The following ASAP3 variants were observed in gnomAD, a reference collection of about 807,000 sequenced individuals.
The protein encoded by ASAP3 is ArfGAP with SH3 domain, ankyrin repeat and PH domain 3, also known as arf-GAP with SH3 domain, ANK repeat and PH domain-containing protein 3.
A neutral mutation model predicts 118.2 loss-of-function variants in ASAP3; 85 were observed. The ratio of observed to expected loss-of-function variants is 0.72; its 90% confidence interval spans 0.60 to 0.86. The LOEUF (loss-of-function observed/expected upper bound fraction) is 0.86. ASAP3 is among the 40% of genes least tolerant of loss of function. ASAP3 has a pLI of 0.00. For missense variants in ASAP3, 1,026 were observed against 1,175.0 expected (o/e 0.87, Z 1.85); for synonymous variants, 432 against 477.4 (o/e 0.90, Z 1.24).
At chr1:23,452,156 T>C (rs535205297) in intron 4 of ASAP3, among the ~76,000 whole-genome samples, 8 of 152,162 alleles carry the variant, frequency 5.3e-5, no homozygotes, top group African/African-American at 1.9e-4. Flanking sequence ...GTTAGCAGGC[T>C]GGTGCCACGC....
chr1:23,456,060 T>A (rs1641373524), intron 2 of ASAP3, 34 bp from the exon 3 acceptor site: 1 of 1,613,912 alleles, frequency 6.2e-7, no homozygotes, highest in East Asian at 2.2e-5. Flanking sequence ...TGGAGTTAGC[T>A]CCAGGCTGGG....
intron 17 of ASAP3, among the ~76,000 whole-genome samples, chr1:23,435,199 AGTT>A (rs1640594191): frequency 6.6e-6 from 1 of 151,894 alleles, no homozygotes; most frequent in Admixed American, 6.6e-5. Flanking sequence ...AGCTAATTTT[AGTT>A]GTTGTTGTAG....
At chr1:23,432,916 C>G (rs1032983323) in intron 22 of ASAP3, among the ~76,000 whole-genome samples, 161 bp downstream of exon 22, 1 of 152,192 alleles carries the variant, frequency 6.6e-6, no homozygotes, top group African/African-American at 2.4e-5. Flanking sequence ...TGTGACTTAA[C>G]ACCTCTGTTC....
Position 23,445,367 on chromosome 1 carries a change from T to C in ASAP3, c.474-2755A>G, listed in dbSNP as rs112543541. ...TGATCCAGGCATGGTGGTGTGTGCC[T>C]ATAGTCCCAGCTACTCAAAAGGTTG... On this transcript the variant is annotated intron_variant, in intron 5 of 24. Coordinates refer to ENST00000336689, the MANE Select transcript of ASAP3 (RefSeq NM_017707.4). Among the ~76,000 whole-genome samples, 578 of 152,180 alleles carry C rather than the reference T, an allele frequency of 3.8e-3. 4 individuals carry two copies. The highest frequency in any genetic ancestry group is 0.013 in the African/African-American group (550 of 41,516).
At chr1:23,463,665 A>C (rs1641667818) in intron 1 of ASAP3, among the ~76,000 whole-genome samples, 1 of 152,164 alleles carries the variant, frequency 6.6e-6, no homozygotes, top group African/African-American at 2.4e-5. Flanking sequence ...GCAATGGCAC[A>C]ATCTCGGCTC....
intron 17 of ASAP3, 118 bp downstream of exon 17, chr1:23,435,733 G>T: frequency 8.5e-7 from 1 of 1,178,276 alleles, no homozygotes; most frequent in Non-Finnish European, 1.3e-6. Context: ...CACTCTGATG[G>T]GTGAGATCTG....
At chr1:23,460,470 G>A (rs1348706959) in intron 1 of ASAP3, among the ~76,000 whole-genome samples, 4 of 137,216 alleles carry the variant, frequency 2.9e-5, no homozygotes, top group Non-Finnish European at 6.1e-5. Context: ...CAGTGCCACT[G>A]CACTCCAGCC....
chr1:23,468,584 A>T (rs1452564941), intron 1 of ASAP3, among the ~76,000 whole-genome samples: 1 of 152,154 alleles, frequency 6.6e-6, no homozygotes, highest in African/African-American at 2.4e-5. Context: ...CTAAAAATAC[A>T]ACGTTTGGCA....
intron 1 of ASAP3, among the ~76,000 whole-genome samples, chr1:23,480,843 G>C (rs1374978171): frequency 6.6e-6 from 1 of 152,194 alleles, no homozygotes; most frequent in Non-Finnish European, 1.5e-5. Context: ...AAGACAGGAA[G>C]AGGCTGGTTG....
chr1:23,479,419 G>C (rs892791546), intron 1 of ASAP3, among the ~76,000 whole-genome samples: 1 of 152,060 alleles, frequency 6.6e-6, no homozygotes, highest in Non-Finnish European at 1.5e-5. Context: ...ATTCTTTAAA[G>C]CCAATTTCCC....
chr1:23,465,519 G>C (rs188455389), intron 1 of ASAP3, among the ~76,000 whole-genome samples: 173 of 151,558 alleles, frequency 1.1e-3, no homozygotes, highest in Admixed American at 9.3e-3. Flanking sequence ...TTTTTTTGGG[G>C]GGGGGATAGA....
intron 1 of ASAP3, among the ~76,000 whole-genome samples, chr1:23,483,731 G>A (rs1254756357): frequency 2.6e-5 from 4 of 152,254 alleles, no homozygotes; most frequent in African/African-American, 9.6e-5. Flanking sequence ...TATGTGATGA[G>A]GCGGTCACGC....
Position 23,431,749 on chromosome 1 carries a change from G to A in ASAP3, c.2493C>T (p.Pro831=), listed in dbSNP as rs1640441748. 11 of 1,523,594 alleles carry A rather than the reference G, an allele frequency of 7.2e-6. No individual in the cohort carries two copies. Among genetic ancestry groups the A allele is most frequent in the Non-Finnish European group, 9.6e-6 (11 of 1,141,230 alleles). 94.4% of individuals were successfully genotyped at this position (1,523,594 alleles called of 1,614,324 possible). Residue 831 remains proline, a synonymous_variant, in exon 23 of 25, where the codon CCC becomes CCT. Transcript: ENST00000336689. ...AAGGGGTGGTCCCGGATGTCAGGCT[G>A]GGTCTGGAGGTGCCTGGGGGCTCTC... The part of the protein sequence containing the change: ...GLREPPGTSR[P]SLTSGTTPSE...
Position 23,437,376 on chromosome 1 carries a change from C to G in ASAP3, c.1151+48G>C. The G allele has an allele frequency of 1.9e-6, 3 of 1,611,078 alleles. No individual in the cohort carries two copies. Among genetic ancestry groups the G allele is most frequent in the Non-Finnish European group, 2.5e-6 (3 of 1,178,392 alleles). ...TGTCAAGTGGGAAGAGATAGGGCCG[C>G]CGGCCCCCACCCACAAGGCTGGCCG... is the stretch of plus-strand genomic sequence containing the variant. On this transcript the variant is annotated intron_variant, in intron 13 of 24. Coordinates refer to ENST00000336689, the MANE Select transcript of ASAP3 (RefSeq NM_017707.4). The surrounding 1 kb of genome is among the most constrained non-coding windows in gnomAD (Gnocchi z 6.1).
intron 3 of ASAP3, among the ~76,000 whole-genome samples, chr1:23,453,171 TCTC>T (rs556275818): frequency 2.4e-3 from 371 of 152,154 alleles, no homozygotes; most frequent in Non-Finnish European, 2.9e-3. Context: ...CAGCCTCCCT[TCTC>T]CTCTCTGACT....
Position 23,451,476 on chromosome 1 carries a change from T to C in ASAP3, c.473+3A>G, listed in dbSNP as rs545293596. On this transcript the variant is annotated splice_donor_region_variant and intron_variant, in intron 5 of 24. Transcript: ENST00000336689. The stretch of plus-strand genomic sequence containing the variant: ...ACAAACGACCCTGGCTGTGGCCACT[T>C]ACATTTTGGCTTCATAGTCCTTCCA... The C allele has an allele frequency of 3.7e-6, 6 of 1,614,124 alleles. No individual in the cohort carries two copies. The South Asian group carries it at 6.6e-5, about 18-fold the overall frequency.
intron 1 of ASAP3, among the ~76,000 whole-genome samples, chr1:23,458,267 G>A (rs1383525756): frequency 6.6e-6 from 1 of 152,178 alleles, no homozygotes; most frequent in Non-Finnish European, 1.5e-5. Flanking sequence ...GATCACTTGA[G>A]GCCAGGAGTT....
intron 1 of ASAP3, among the ~76,000 whole-genome samples, chr1:23,466,908 C>A (rs1641787180): frequency 1.3e-5 from 2 of 152,076 alleles, no homozygotes; most frequent in African/African-American, 4.8e-5. Flanking sequence ...CGCTCTGTAG[C>A]CCAGGCTGGA....
rs1024697510 is a variant in ASAP3, at chr1:23,484,080, G to A, written c.54C>T (p.Leu18=). Residue 18 remains leucine (L), a synonymous_variant, in exon 1 of 25, where the codon CTC becomes CTT. Coordinates refer to ENST00000336689, the MANE Select transcript of ASAP3 (RefSeq NM_017707.4). ...AEFLAVTAED[L]SSPAGAAAFA... ...AGGCGGCGGCCCCAGCCGGGGAGCT[G>A]AGGTCCTCCGCGGTGACGGCCAGGA... The A allele has an allele frequency of 1.5e-6, 2 of 1,349,574 alleles. No homozygotes were observed. The highest frequency in any genetic ancestry group is 6.9e-5 in the Admixed American group (2 of 29,098). The allele number at this position is 1,349,574 out of a possible 1,614,324, so 83.6% of individuals were successfully genotyped here. A position where few individuals can be genotyped will look rare whatever the true frequency, so the allele number is the denominator to read the frequency against.
Sources: allele counts gnomAD v4.1 joint callset (sites outside exome capture counted in the v4.1 genomes callset), GRCh38; gene constraint gnomAD v4.1.1; non-coding constraint Gnocchi (gnomAD v3.1); transcripts MANE v1.5; gene names NCBI Gene and HGNC (gene_info 2026-07-23, HGNC 2026-07-21).